The following SDK1 variants were observed in gnomAD, a reference collection of about 807,000 sequenced individuals.
SDK1 encodes the protein protein sidekick-1.
A neutral mutation model predicts 245.5 loss-of-function variants in SDK1; 157 were observed. That is an observed-to-expected ratio of 0.64 (90% CI 0.56 to 0.73). SDK1 has a LOEUF of 0.73. SDK1 is among the 30% of genes least tolerant of loss of function. The pLI is 0.00. For synonymous variants in SDK1, 1,647 were observed against 1,278.5 expected (o/e 1.29, Z -6.15); for missense variants, 3,583 against 3,002.3 (o/e 1.19, Z -4.52).
chr7:3,796,170 G>T lies in SDK1; in HGVS notation c.714-25280G>T, dbSNP rs1778956134. Among the ~76,000 whole-genome samples, 3 of 152,162 alleles carry T rather than the reference G, an allele frequency of 2.0e-5. No homozygotes were observed. In the South Asian group the frequency reaches 6.2e-4, roughly 32 times the overall value. On this transcript the variant is annotated intron_variant, in intron 4 of 44. Coordinates refer to ENST00000404826, the MANE Select transcript of SDK1 (RefSeq NM_152744.4). ...GATTAAAGTGATAGAAAACAGTTCTGCAAAATGAAAGGGAGAATTGAATTT... is the reference window on the plus strand; with the variant it reads ...GATTAAAGTGATAGAAAACAGTTCTTCAAAATGAAAGGGAGAATTGAATTT...
rs376298558 is a variant in SDK1 at position 3,871,674 on chromosome 7, C to T, written c.847+50091C>T. On this transcript the variant is annotated intron_variant, in intron 5 of 44. Transcript: ENST00000404826. Reference sequence around the variant, plus strand: ...AGAGCAGAAGCAAGTAGCGGGGAGGCGCCAGACTCCCTTTAACAATCAGCC... The same window carrying T: ...AGAGCAGAAGCAAGTAGCGGGGAGGTGCCAGACTCCCTTTAACAATCAGCC... 3.2e-4 allele frequency among the ~76,000 whole-genome samples: 49 copies of T among 152,230 alleles called. 1 individual carries two copies. The South Asian group carries it at 9.7e-3, about 30-fold the overall frequency.
intron 1 of SDK1, among the ~76,000 whole-genome samples, chr7:3,560,940 C>T (rs749424310): frequency 6.6e-6 from 1 of 152,226 alleles, no homozygotes; most frequent in Non-Finnish European, 1.5e-5. Context: ...AGGTCATCCC[C>T]ATTCATTCCA....
chr7:3,724,185 G>A (rs1251953722), intron 4 of SDK1, among the ~76,000 whole-genome samples: 3 of 151,914 alleles, frequency 2.0e-5, no homozygotes, highest in South Asian at 2.1e-4. Context: ...GGCTGGTCTC[G>A]AACTCCTGAC....
At chr7:4,075,026 C>T (rs1780570073) in intron 20 of SDK1, among the ~76,000 whole-genome samples, 1 of 150,310 alleles carries the variant, frequency 6.7e-6, no homozygotes, top group South Asian at 2.1e-4. Flanking sequence ...GAAAAGGAGA[C>T]CAGGACCTGA....
intron 4 of SDK1, among the ~76,000 whole-genome samples, chr7:3,716,114 C>CAAAAAAAAAAAAAAAA (rs34348813): frequency 1.2e-5 from 1 of 82,130 alleles, no homozygotes; most frequent in African/African-American, 4.0e-5. Flanking sequence ...AAAAGGTAGA[C>CAAAAAAAAAAAAAAAA]AAAAAAAAAA....
chr7:4,097,505 A>T (rs1562804386), intron 22 of SDK1, among the ~76,000 whole-genome samples: 1 of 152,306 alleles, frequency 6.6e-6, no homozygotes, highest in Admixed American at 6.5e-5. Flanking sequence ...GCCATCCGGG[A>T]CAGACATAGC....
At chr7:3,488,969 C>G (rs1781786811) in intron 1 of SDK1, among the ~76,000 whole-genome samples, 1 of 151,892 alleles carries the variant, frequency 6.6e-6, no homozygotes, top group South Asian at 2.1e-4. Context: ...ATCCACAGCT[C>G]TTTCAATGAG....
At chr7:3,848,530 G>A (rs1282756651) in intron 5 of SDK1, among the ~76,000 whole-genome samples, 1 of 152,078 alleles carries the variant, frequency 6.6e-6, no homozygotes, top group Non-Finnish European at 1.5e-5. Flanking sequence ...CATGGAAGGT[G>A]GATATCTACT....
intron 1 of SDK1, among the ~76,000 whole-genome samples, chr7:3,534,265 A>T (rs1035278709): frequency 1.2e-4 from 18 of 152,138 alleles, no homozygotes; most frequent in Non-Finnish European, 7.4e-5. Flanking sequence ...ATATGTATAT[A>T]CTACATTTTC....
chr7:4,112,798 A>G (rs1783432872), intron 23 of SDK1, among the ~76,000 whole-genome samples: 1 of 151,110 alleles, frequency 6.6e-6, no homozygotes, highest in African/African-American at 2.4e-5. Flanking sequence ...TCTGTCACCT[A>G]GGCTGGAGTG....
intron 5 of SDK1, among the ~76,000 whole-genome samples, chr7:3,946,889 T>C (rs1391404266): frequency 1.3e-5 from 2 of 152,198 alleles, no homozygotes; most frequent in Non-Finnish European, 2.9e-5. Flanking sequence ...ATAAACAGAA[T>C]GCAGCCATTT....
intron 5 of SDK1, among the ~76,000 whole-genome samples, chr7:3,848,674 CT>C (rs377029192): frequency 3.2e-4 from 47 of 146,354 alleles, no homozygotes; most frequent in African/African-American, 5.5e-4. Flanking sequence ...GTTGTCTTTT[CT>C]TTTTTTTTTT....
At chr7:4,257,001 G>A (rs935404243) in intron 44 of SDK1, among the ~76,000 whole-genome samples, 4 of 152,232 alleles carry the variant, frequency 2.6e-5, no homozygotes, top group African/African-American at 7.2e-5. Context: ...GACGCATGCT[G>A]TGGCTATTTC....
intron 1 of SDK1, among the ~76,000 whole-genome samples, chr7:3,439,919 C>G (rs1220687369): frequency 7.7e-5 from 10 of 129,906 alleles, no homozygotes; most frequent in African/African-American, 2.7e-4. Context: ...AACTCCCAAA[C>G]TACCCTGTGC....
At chr7:3,417,692 T>G (rs1041837957) in intron 1 of SDK1, among the ~76,000 whole-genome samples, 1 of 152,204 alleles carries the variant, frequency 6.6e-6, no homozygotes, top group Admixed American at 6.5e-5. Flanking sequence ...TCTAACAGTC[T>G]TCTTTGCATT....
intron 1 of SDK1, among the ~76,000 whole-genome samples, chr7:3,361,028 T>C (rs1174400937): frequency 2.0e-5 from 3 of 152,234 alleles, no homozygotes; most frequent in African/African-American, 7.2e-5. Flanking sequence ...TCCATCATCT[T>C]TCCCCTTTGG....
intron 1 of SDK1, among the ~76,000 whole-genome samples, chr7:3,323,893 T>G (rs1156325169): frequency 6.6e-6 from 1 of 152,222 alleles, no homozygotes; most frequent in Non-Finnish European, 1.5e-5. Flanking sequence ...GGGTAAAGGT[T>G]CTTCTTCAGC....
chr7:3,894,209 A>G (rs1364014750), intron 5 of SDK1, among the ~76,000 whole-genome samples: 1 of 152,236 alleles, frequency 6.6e-6, no homozygotes, highest in African/African-American at 2.4e-5. Flanking sequence ...GATGGTATTA[A>G]AAGTCAAAGC....
intron 1 of SDK1, among the ~76,000 whole-genome samples, chr7:3,574,540 G>T (rs929177672): frequency 1.3e-5 from 2 of 152,034 alleles, no homozygotes; most frequent in African/African-American, 4.8e-5. Flanking sequence ...ATGAATGCGG[G>T]AAAAACTCCT....
Sources: gnomAD v4.1 joint callset for allele counts (sites outside exome capture counted in the v4.1 genomes callset) on GRCh38, gnomAD v4.1.1 for gene constraint, MANE v1.5 for transcripts, NCBI Gene and HGNC (gene_info 2026-07-23, HGNC 2026-07-21) for gene names.